The following WFS1 variants were observed in gnomAD, a reference collection of about 807,000 sequenced individuals.
WFS1 encodes the protein wolframin ER transmembrane glycoprotein.
WFS1 carries 90 observed loss-of-function variants against 68.5 expected under a neutral mutation model. That is an observed-to-expected ratio of 1.31 (90% CI 1.11 to 1.56). The LOEUF is 1.56. Ranked by LOEUF, WFS1 falls within the 40% of genes most tolerant of loss-of-function variation. The pLI is 0.00. For synonymous variants in WFS1, 860 were observed against 540.7 expected (o/e 1.59, Z -8.19); for missense variants, 1,767 against 1,232.6 (o/e 1.43, Z -6.49).
intron 1 of WFS1, among the ~76,000 whole-genome samples, chr4:6,270,704 C>T (rs1040749980): frequency 2.0e-5 from 3 of 152,224 alleles, no homozygotes; most frequent in Non-Finnish European, 4.4e-5. Flanking sequence ...TCTGGAGAAT[C>T]CTACCCAGCC....
intron 1 of WFS1, among the ~76,000 whole-genome samples, chr4:6,275,756 G>A (rs768734530): frequency 2.6e-5 from 4 of 151,756 alleles, no homozygotes; most frequent in Non-Finnish European, 5.9e-5. Flanking sequence ...CAGCGGGAAT[G>A]GAGCAGAAAT....
In WFS1 at chr4:6,301,535, G is replaced by T. The variant is rs749882923; in HGVS notation, c.1740G>T (p.Val580=). 17 of 1,613,900 alleles carry T rather than the reference G, an allele frequency of 1.1e-5. No individual in the cohort carries two copies. The African/African-American group carries it at 2.1e-4, about 20-fold the overall frequency. ...TCCTGGTGGCCGGCCTGGCCCTGGTGGGCGTGCTGCAGTTCGCCCGGTGGT... is the reference window on the plus strand; with the variant it reads ...TCCTGGTGGCCGGCCTGGCCCTGGTTGGCGTGCTGCAGTTCGCCCGGTGGT... The part of the protein sequence containing the change: ...LPILVAGLAL[V]GVLQFARWFT... Residue 580 remains valine (V), a synonymous_variant, in exon 8 of 8, where the codon GTG becomes GTT. Transcript: ENST00000226760.
At chr4:6,294,320 C>T (rs1301058099) in intron 6 of WFS1, among the ~76,000 whole-genome samples, 8 of 151,606 alleles carry the variant, frequency 5.3e-5, no homozygotes, top group Non-Finnish European at 1.2e-4. Context: ...GTAGCTCTCG[C>T]GGATCACGTT....
rs923896812 is a variant in WFS1 at position 6,297,402 on chromosome 4, C to T, written c.861+2213C>T. ...TCTTTGTGAGCCACCCTTACTCCCA[C>T]AAAGAATGTTCCAGACTCCACACAG... On this transcript the variant is annotated intron_variant, in intron 7 of 7. Coordinates refer to ENST00000226760, the MANE Select transcript of WFS1 (RefSeq NM_006005.3). Among the ~76,000 whole-genome samples, 11 of 152,198 alleles carry T rather than the reference C, an allele frequency of 7.2e-5. No individual in the cohort carries two copies. In the South Asian group the frequency reaches 1.0e-3, roughly 14 times the overall value.
At position 6,300,747 on chromosome 4, in the gene WFS1, A is replaced by T. The variant is rs1395612565; in HGVS notation, c.952A>T (p.Ile318Phe). 1 of 1,613,880 alleles carries T rather than the reference A, an allele frequency of 6.2e-7. No homozygotes were observed. Among genetic ancestry groups the T allele is most frequent in the Non-Finnish European group, 8.5e-7 (1 of 1,179,986 alleles). Reference sequence around the variant, plus strand: ...GGCAGGCATGCACTGGCTGTCCACCATCATCCCCACGCACCACATCAACGC... The same window carrying T: ...GGCAGGCATGCACTGGCTGTCCACCTTCATCCCCACGCACCACATCAACGC... Reference protein sequence around the residue: ...SRAGMHWLSTIIPTHHINALI... With the variant: ...SRAGMHWLSTFIPTHHINALI... The change falls in exon 8 of 8, where the codon ATC (isoleucine) becomes TTC (phenylalanine). Residue 318 changes from isoleucine to phenylalanine, a missense_variant. Ile to Phe is a conservative substitution (Grantham distance 21). Coordinates refer to ENST00000226760, the MANE Select transcript of WFS1 (RefSeq NM_006005.3).
At position 6,302,579 on chromosome 4, in the gene WFS1, CTG is replaced by C. The variant is rs1276269023; in HGVS notation, c.*114_*115del. ...TGCCGCCTGTGCCCACGTGTGCAGA[CTG>C]TGGCTGCAGAGACCTTGCGACCATG... On this transcript the variant is annotated 3_prime_UTR_variant, in exon 8 of 8. Coordinates refer to ENST00000226760, the MANE Select transcript of WFS1 (RefSeq NM_006005.3). 50 of 1,504,878 alleles carry C rather than the reference CTG, an allele frequency of 3.3e-5. No homozygotes were observed. Among genetic ancestry groups the C allele is most frequent in the African/African-American group, 5.5e-5 (4 of 73,192 alleles). The allele number at this position is 1,504,878 out of a possible 1,614,324, so 93.2% of individuals were successfully genotyped here.
rs71524376 is a variant in WFS1, at chr4:6,301,842, A to G, written c.2047A>G (p.Met683Val). 13 of 1,613,132 alleles carry G rather than the reference A, an allele frequency of 8.1e-6. No individual in the cohort carries two copies. The highest frequency in any genetic ancestry group is 1.6e-4 in the Middle Eastern group (1 of 6,062). ...GCCACGCGCCTGGAAGGAGACCAAC[A>G]TGGCGCGCACCCAGATCCTCTGCAG... ...CGPRAWKETNMARTQILCSHL... is the reference protein window; with the variant it reads ...CGPRAWKETNVARTQILCSHL... The change falls in exon 8 of 8, where the codon ATG becomes GTG. Residue 683 changes from methionine (M) to valine (V), a missense_variant. Transcript: ENST00000226760.
At position 6,283,529 on chromosome 4, in the gene WFS1, C is replaced by T. The variant is rs1730222939; in HGVS notation, c.233-3564C>T. Among the ~76,000 whole-genome samples, 1 of 152,224 alleles carries T rather than the reference C, an allele frequency of 6.6e-6. No individual in the cohort carries two copies. Among genetic ancestry groups the T allele is most frequent in the Non-Finnish European group, 1.5e-5 (1 of 68,038 alleles). ...CCCCGCCCCCATTCCACTCTGCTTT[C>T]CTGTGCTGCCTGTGTCTCAGGGGCT... is the stretch of plus-strand genomic sequence containing the variant. On this transcript the variant is annotated intron_variant, in intron 2 of 7. Transcript: ENST00000226760. This position sits in a 1 kb window ranked among gnomAD's most constrained non-coding sequence, Gnocchi z 5.0.
intron 2 of WFS1, among the ~76,000 whole-genome samples, chr4:6,278,836 C>G (rs1730071655): frequency 6.6e-6 from 1 of 152,232 alleles, no homozygotes; most frequent in East Asian, 1.9e-4. Flanking sequence ...AGGGCCTGAC[C>G]CCGGGATTTG....
intron 3 of WFS1, among the ~76,000 whole-genome samples, chr4:6,288,216 CAAAA>C (rs5855906): frequency 3.1e-5 from 4 of 131,146 alleles, no homozygotes; most frequent in Admixed American, 7.8e-5. Flanking sequence ...GACTCTGTCT[CAAAA>C]AAAAAAAAAA....
chr4:6,294,136 G>GAA (rs910846101), intron 6 of WFS1, among the ~76,000 whole-genome samples: 7 of 152,156 alleles, frequency 4.6e-5, no homozygotes, highest in Non-Finnish European at 1.0e-4. Context: ...CTCCTCCCTA[G>GAA]GGTTTCTGCA....
Position 6,294,930 on chromosome 4 carries a change from G to C in WFS1, c.713-111G>C, listed in dbSNP as rs574241776. On this transcript the variant is annotated intron_variant, in intron 6 of 7. Coordinates refer to ENST00000226760, the MANE Select transcript of WFS1 (RefSeq NM_006005.3). ...GGTTTCCTCCACCTGAACCCACTCA[G>C]CTCCTTTCTTAGCTTGGCCCCACGC... The C allele has an allele frequency of 9.5e-6, 15 of 1,573,550 alleles. No individual in the cohort carries two copies. In the African/African-American group the frequency reaches 1.2e-4, roughly 13 times the overall value.
In WFS1 at chr4:6,302,289, C is replaced by T. The variant is rs148089728; in HGVS notation, c.2494C>T (p.Arg832Cys). The change falls in exon 8 of 8, where the codon CGC (arginine) becomes TGC (cysteine). Residue 832 changes from arginine to cysteine, a missense_variant. Physicochemically the swap from Arg to Cys is radical, Grantham distance 180 (BLOSUM62 -3). Coordinates refer to ENST00000226760, the MANE Select transcript of WFS1 (RefSeq NM_006005.3). ...LIEFSTILEG[R>C]LGSKWPVFEL... ...CGAGTTCAGCACCATCCTGGAGGGCCGCCTGGGCAGCAAGTGGCCTGTCTT... is the reference window on the plus strand; with the variant it reads ...CGAGTTCAGCACCATCCTGGAGGGCTGCCTGGGCAGCAAGTGGCCTGTCTT... 262 of 1,605,350 alleles carry T rather than the reference C, an allele frequency of 1.6e-4. No homozygotes were observed. Among genetic ancestry groups the T allele is most frequent in the Non-Finnish European group, 2.0e-4 (230 of 1,174,352 alleles).
intron 7 of WFS1, among the ~76,000 whole-genome samples, chr4:6,299,001 C>T (rs1406820378): frequency 5.3e-5 from 8 of 152,224 alleles, no homozygotes; most frequent in African/African-American, 1.9e-4. Context: ...CATGTGGGGC[C>T]GCCCCCTAGG....
chr4:6,288,696 C>A, intron 3 of WFS1: 7 of 464,122 alleles, frequency 1.5e-5, no homozygotes, highest in South Asian at 1.4e-4. Flanking sequence ...TGAGCCTTGG[C>A]AGGCAGGAGC....
In WFS1 at chr4:6,300,827, C is replaced by A. The variant is rs768122526; in HGVS notation, c.1032C>A (p.Phe344Leu). The A allele has an allele frequency of 6.2e-7, 1 of 1,613,984 alleles. No individual in the cohort carries two copies. Among genetic ancestry groups the A allele is most frequent in the Non-Finnish European group, 8.5e-7 (1 of 1,179,968 alleles). ...TCACCATCGACTTCTTCGCCTTCTTCATCCCGCTGGTCATCTTCTACCTGT... is the reference window on the plus strand; with the variant it reads ...TCACCATCGACTTCTTCGCCTTCTTAATCCCGCTGGTCATCTTCTACCTGT... ...SNLTIDFFAF[F>L]IPLVIFYLSF... Residue 344 changes from phenylalanine (F) to leucine (L), a missense_variant, in exon 8 of 8, where the codon TTC becomes TTA. Transcript: ENST00000226760.
At chr4:6,270,848 A>G (rs894414483) in intron 1 of WFS1, among the ~76,000 whole-genome samples, 1 of 152,154 alleles carries the variant, frequency 6.6e-6, no homozygotes, top group Non-Finnish European at 1.5e-5. Flanking sequence ...GAGAAGTTAT[A>G]GTCCCCGTTT....
At position 6,300,888 on chromosome 4, in the gene WFS1, T is replaced by G. The variant is rs750097541; in HGVS notation, c.1093T>G (p.Phe365Val). 6.2e-7 allele frequency: 1 copy of G among 1,614,146 alleles called. No homozygotes were observed. Among genetic ancestry groups the G allele is most frequent in the Non-Finnish European group, 8.5e-7 (1 of 1,180,010 alleles). Residue 365 changes from phenylalanine (F) to valine (V), a missense_variant, in exon 8 of 8, where the codon TTC (phenylalanine) becomes GTC (valine). Phe to Val is a conservative substitution (Grantham distance 50, BLOSUM62 -1). Transcript: ENST00000226760. The part of the protein sequence containing the change: ...ISMVICTLKV[F>V]QDSKAWENFR... ...CATGGTGATCTGCACCCTCAAGGTG[T>G]TCCAGGACAGCAAGGCCTGGGAGAA...
chr4:6,297,058 G>T (rs1446905792), intron 7 of WFS1, among the ~76,000 whole-genome samples: 3 of 152,184 alleles, frequency 2.0e-5, no homozygotes, highest in African/African-American at 7.2e-5. Context: ...TCAAACTCCT[G>T]GGTCAAGCGA....
Sources: allele counts gnomAD v4.1 joint callset (sites outside exome capture counted in the v4.1 genomes callset), GRCh38; gene constraint gnomAD v4.1.1; non-coding constraint Gnocchi (gnomAD v3.1); transcripts MANE v1.5; gene names NCBI Gene and HGNC (gene_info 2026-07-23, HGNC 2026-07-21).